KAZN: variants seen among roughly 807,000 people sequenced by gnomAD.
KAZN encodes kazrin, periplakin interacting protein.
KAZN carries 40 observed loss-of-function variants against 87.4 expected under a neutral mutation model. That is an observed-to-expected ratio of 0.46 (90% CI 0.36 to 0.60). KAZN has a LOEUF of 0.60. Among genes scored for constraint, KAZN ranks in the 20% least tolerant of loss-of-function variants. KAZN has a pLI of 0.00. For synonymous variants in KAZN, 466 were observed against 458.3 expected (o/e 1.02, Z -0.22); for missense variants, 898 against 1,073.9 (o/e 0.84, Z 2.29).
intron 2 of KAZN, among the ~76,000 whole-genome samples, chr1:14,239,564 G>A (rs1477150338): frequency 6.6e-6 from 1 of 150,602 alleles, no homozygotes; most frequent in Non-Finnish European, 1.5e-5. Context: ...GGGTTCAGGC[G>A]ATTCTCCTGC....
chr1:14,902,393 T>G (rs139559980), intron 1 of KAZN, among the ~76,000 whole-genome samples: 1 of 151,908 alleles, frequency 6.6e-6, no homozygotes, highest in East Asian at 1.9e-4. Flanking sequence ...ACCCGGCTAA[T>G]TTTTTTGTAT....
intron 2 of KAZN, among the ~76,000 whole-genome samples, chr1:14,409,081 C>T (rs147127109): frequency 1.7e-3 from 262 of 152,218 alleles, no homozygotes; most frequent in African/African-American, 6.0e-3. Flanking sequence ...TGAGAACTTT[C>T]GGAAAGACTA....
At chr1:14,572,462 T>A (rs944554993) in intron 2 of KAZN, among the ~76,000 whole-genome samples, 1 of 152,118 alleles carries the variant, frequency 6.6e-6, no homozygotes, top group Non-Finnish European at 1.5e-5. Flanking sequence ...TGTAATCCAG[T>A]CTCCCTGGAG....
chr1:14,322,354 A>C (rs1314785729), intron 2 of KAZN, among the ~76,000 whole-genome samples: 2 of 152,210 alleles, frequency 1.3e-5, no homozygotes, highest in Non-Finnish European at 2.9e-5. Context: ...AGAAAATGGT[A>C]TGGTGTCCTA....
At chr1:14,354,754 G>A (rs1050368207) in intron 2 of KAZN, among the ~76,000 whole-genome samples, 1 of 151,894 alleles carries the variant, frequency 6.6e-6, no homozygotes, top group African/African-American at 2.4e-5. Context: ...TATATTGTTG[G>A]TGGGAGTATA....
At chr1:14,991,915 C>T (rs1421359052) in intron 2 of KAZN, among the ~76,000 whole-genome samples, 3 of 152,240 alleles carry the variant, frequency 2.0e-5, no homozygotes, top group Non-Finnish European at 4.4e-5. Flanking sequence ...GAATCAAACG[C>T]AGCAGCTTCC....
At chr1:14,155,437 G>A (rs1053718913) in intron 1 of KAZN, among the ~76,000 whole-genome samples, 3 of 151,158 alleles carry the variant, frequency 2.0e-5, no homozygotes, top group African/African-American at 4.9e-5. Flanking sequence ...TCTTAGTCTT[G>A]CTAATGATTT....
chr1:15,004,929 G>C (rs1018116640), intron 2 of KAZN, among the ~76,000 whole-genome samples: 1 of 152,096 alleles, frequency 6.6e-6, no homozygotes, highest in African/African-American at 2.4e-5. Context: ...GCATGAACCA[G>C]GCACCTGAGA....
chr1:14,141,235 TTA>T lies in KAZN; in HGVS notation c.92-39199_92-39198del, dbSNP rs1491156352. ...ATGACACTGTTGAAGTGATTACCAT[TTA>T]AAAAAAAAAAAAAAAACAAAACTAA... On this transcript the variant is annotated intron_variant, in intron 1 of 16. Transcript: ENST00000636203. 5.4e-4 allele frequency among the ~76,000 whole-genome samples: 18 copies of T among 33,146 alleles called. No homozygotes were observed. The East Asian group carries it at 0.026, about 47-fold the overall frequency. The allele number at this position is 33,146 out of a possible 152,430, so 21.7% of individuals were successfully genotyped here. A position where few individuals can be genotyped will look rare whatever the true frequency, so the allele number is the denominator to read the frequency against.
In KAZN at chr1:14,730,719, T is replaced by C. The variant is rs377318456; in HGVS notation, c.226+131496T>C. ...AAGGTGAGGTGCCTACATTTTCCCATGCAAGTGCCCCAATCTGTCCCTGAG... is the reference window on the plus strand; with the variant it reads ...AAGGTGAGGTGCCTACATTTTCCCACGCAAGTGCCCCAATCTGTCCCTGAG... On this transcript the variant is annotated intron_variant, in intron 1 of 14. Coordinates refer to ENST00000376030, the MANE Select transcript of KAZN (RefSeq NM_201628.3). Among the ~76,000 whole-genome samples the C allele has an allele frequency of 4.6e-5, 7 of 152,322 alleles. No individual in the cohort carries two copies. The East Asian group carries it at 1.4e-3, about 29-fold the overall frequency.
In KAZN at chr1:15,116,497, T is replaced by C. The variant is rs1317018510; in HGVS notation, c.*1862T>C. ...GGCCCCAGGTGGTGAATCTCTGGCA[T>C]GTGGCTTGGCTTTGTTGAGACTCCA... On this transcript the variant is annotated 3_prime_UTR_variant, in exon 15 of 15. Transcript: ENST00000376030. 6.6e-6 allele frequency: 1 copy of C among 152,256 alleles called. No homozygotes were observed. Among genetic ancestry groups the C allele is most frequent in the Non-Finnish European group, 1.5e-5 (1 of 68,070 alleles). 9.4% of individuals were successfully genotyped at this position (152,256 alleles called of 1,614,324 possible).
intron 1 of KAZN, among the ~76,000 whole-genome samples, chr1:14,826,298 T>C (rs1159645709): frequency 6.6e-6 from 1 of 152,264 alleles, no homozygotes; most frequent in Non-Finnish European, 1.5e-5. Context: ...CGGATGTTCG[T>C]AAAAGGCAAG....
At chr1:14,665,955 AACAT>A (rs1639522888) in intron 1 of KAZN, among the ~76,000 whole-genome samples, 1 of 146,876 alleles carries the variant, frequency 6.8e-6, no homozygotes, top group Admixed American at 6.8e-5. Context: ...AAAAAAAAAT[AACAT>A]ACAGAAAGGT....
At chr1:14,484,555 T>C (rs1041359373) in intron 2 of KAZN, among the ~76,000 whole-genome samples, 6 of 152,240 alleles carry the variant, frequency 3.9e-5, no homozygotes, top group African/African-American at 1.4e-4. Context: ...TTGTATCAGT[T>C]ATCTATTGTC....
At chr1:14,577,738 A>G (rs1237089393) in intron 2 of KAZN, among the ~76,000 whole-genome samples, 1 of 152,176 alleles carries the variant, frequency 6.6e-6, no homozygotes, top group Non-Finnish European at 1.5e-5. Flanking sequence ...CCCAATCGTG[A>G]TAGTGATCAT....
intron 1 of KAZN, among the ~76,000 whole-genome samples, chr1:14,689,056 A>G (rs371738937): frequency 6.6e-5 from 10 of 152,116 alleles, no homozygotes; most frequent in African/African-American, 1.9e-4. Flanking sequence ...TTAGCCAGAC[A>G]TGGTGGTGCG....
chr1:14,435,075 C>T (rs1393534379), intron 2 of KAZN, among the ~76,000 whole-genome samples: 1 of 152,134 alleles, frequency 6.6e-6, no homozygotes, highest in African/African-American at 2.4e-5. Context: ...CTTGATTAAA[C>T]CCAATTCTAT....
intron 13 of KAZN, among the ~76,000 whole-genome samples, chr1:15,106,988 C>G (rs1192830205): frequency 6.6e-6 from 1 of 152,168 alleles, no homozygotes; most frequent in African/African-American, 2.4e-5. Context: ...AAAAATATGC[C>G]TTGAAGGCAA....
chr1:14,520,889 C>G (rs1671549803), intron 2 of KAZN, among the ~76,000 whole-genome samples: 2 of 152,216 alleles, frequency 1.3e-5, no homozygotes, highest in African/African-American at 4.8e-5. Context: ...CTGCAGCAAA[C>G]TGTTCATCCA....
Sources: allele counts gnomAD v4.1 joint callset (sites outside exome capture counted in the v4.1 genomes callset), GRCh38; gene constraint gnomAD v4.1.1; transcripts MANE v1.5; gene names NCBI Gene and HGNC (gene_info 2026-07-23, HGNC 2026-07-21).